TSPAN5: variants seen among roughly 807,000 people sequenced by gnomAD.
The protein encoded by TSPAN5 is tetraspanin 5, also known as tetraspanin-5.
In TSPAN5, 10 loss-of-function variants were observed where a neutral mutation model predicts 37.1. That is an observed-to-expected ratio of 0.27 (90% CI 0.17 to 0.46). The LOEUF is 0.46. Ranked by LOEUF, TSPAN5 falls within the 20% of genes least tolerant of loss-of-function variation. TSPAN5 has a pLI of 1.00. For synonymous variants in TSPAN5, 110 were observed against 118.9 expected (o/e 0.93, Z 0.48); for missense variants, 195 against 326.6 (o/e 0.60, Z 3.11).
chr4:98,633,331 C>T (rs1227353360), intron 1 of TSPAN5, among the ~76,000 whole-genome samples: 1 of 152,120 alleles, frequency 6.6e-6, no homozygotes, highest in Non-Finnish European at 1.5e-5. Context: ...ATCAATGAAC[C>T]TTTCAACAGT....
At chr4:98,479,845 C>T (rs951005779) in intron 4 of TSPAN5, among the ~76,000 whole-genome samples, 2 of 152,192 alleles carry the variant, frequency 1.3e-5, no homozygotes, top group Non-Finnish European at 2.9e-5. Flanking sequence ...GAAGCACACA[C>T]TATATTGTAA....
At chr4:98,615,695 C>G (rs893235997) in intron 1 of TSPAN5, among the ~76,000 whole-genome samples, 1 of 152,150 alleles carries the variant, frequency 6.6e-6, no homozygotes, top group African/African-American at 2.4e-5. Flanking sequence ...GTAATGTATG[C>G]CTGTAATCCC....
Position 98,475,265 on chromosome 4 carries a change from C to T in TSPAN5, c.741+924G>A, listed in dbSNP as rs181507426. Among the ~76,000 whole-genome samples, 142 of 152,260 alleles carry T rather than the reference C, an allele frequency of 9.3e-4. 1 individual carries two copies. Among genetic ancestry groups the T allele is most frequent in the Admixed American group, 1.0e-3 (16 of 15,296 alleles). ...TAGATCAACTTGATGAGTGTTGTTA[C>T]CTTAATAATATGAAGTTTTGCAATT... On this transcript the variant is annotated intron_variant, in intron 7 of 7. Coordinates refer to ENST00000305798, the MANE Select transcript of TSPAN5 (RefSeq NM_005723.4).
intron 1 of TSPAN5, among the ~76,000 whole-genome samples, chr4:98,583,312 G>A (rs1479151535): frequency 6.6e-6 from 1 of 152,004 alleles, no homozygotes; most frequent in Non-Finnish European, 1.5e-5. Context: ...TTGTTACACA[G>A]GTAAACTTGT....
intron 1 of TSPAN5, among the ~76,000 whole-genome samples, chr4:98,617,613 C>T (rs1756371581): frequency 6.6e-6 from 1 of 152,184 alleles, no homozygotes; most frequent in Non-Finnish European, 1.5e-5. Flanking sequence ...AAAGGTAGCA[C>T]ATGTCCTGCA....
At chr4:98,521,947 T>C (rs1753866571) in intron 1 of TSPAN5, among the ~76,000 whole-genome samples, 1 of 152,250 alleles carries the variant, frequency 6.6e-6, no homozygotes, top group African/African-American at 2.4e-5. Context: ...AACAGATGTC[T>C]GTGCTACAGT....
At chr4:98,604,581 G>C (rs1755962518) in intron 1 of TSPAN5, among the ~76,000 whole-genome samples, 1 of 152,106 alleles carries the variant, frequency 6.6e-6, no homozygotes, top group Non-Finnish European at 1.5e-5. Context: ...GGCAGTAGTG[G>C]GATTTATACT....
At chr4:98,616,838 G>C (rs1053526048) in intron 1 of TSPAN5, among the ~76,000 whole-genome samples, 12 of 150,796 alleles carry the variant, frequency 8.0e-5, no homozygotes, top group Admixed American at 7.9e-4. Flanking sequence ...CCAAATTCTT[G>C]AATACTAGAT....
chr4:98,649,533 A>G (rs1472160073), intron 1 of TSPAN5, among the ~76,000 whole-genome samples: 5 of 152,254 alleles, frequency 3.3e-5, no homozygotes, highest in South Asian at 4.1e-4. Context: ...TGCCAGGGAA[A>G]GCAAGTGCAG....
At chr4:98,567,703 A>G (rs1372699277) in intron 1 of TSPAN5, among the ~76,000 whole-genome samples, 1 of 152,166 alleles carries the variant, frequency 6.6e-6, no homozygotes, top group African/African-American at 2.4e-5. Context: ...ACACAAAAGG[A>G]GAGAGAGGAA....
At chr4:98,512,010 C>T (rs113451498) in intron 1 of TSPAN5, among the ~76,000 whole-genome samples, 2 of 152,054 alleles carry the variant, frequency 1.3e-5, no homozygotes, top group Non-Finnish European at 2.9e-5. Context: ...GTCAAGAGAT[C>T]GAGACCATCC....
intron 1 of TSPAN5, among the ~76,000 whole-genome samples, chr4:98,598,922 G>A (rs1014441972): frequency 1.3e-5 from 2 of 152,158 alleles, no homozygotes; most frequent in South Asian, 4.1e-4. Context: ...CTGTTCTGTT[G>A]TTATTTATAC....
chr4:98,548,646 C>A (rs1435337669), intron 1 of TSPAN5, among the ~76,000 whole-genome samples: 1 of 152,080 alleles, frequency 6.6e-6, no homozygotes, highest in Non-Finnish European at 1.5e-5. Flanking sequence ...TCTACCCAAT[C>A]ATAATTTTTC....
chr4:98,503,346 G>T (rs533676737), intron 2 of TSPAN5, among the ~76,000 whole-genome samples: 3 of 152,086 alleles, frequency 2.0e-5, no homozygotes, highest in South Asian at 4.2e-4. Context: ...ACACCAGAGC[G>T]GGGCCAGATG....
rs577186667 is a variant in TSPAN5 at position 98,516,411 on chromosome 4, G to A, written c.82-8683C>T. Among the ~76,000 whole-genome samples the A allele has an allele frequency of 2.6e-5, 4 of 152,346 alleles. No individual in the cohort carries two copies. The South Asian group carries it at 8.3e-4, about 32-fold the overall frequency. On this transcript the variant is annotated intron_variant, in intron 1 of 7. Transcript: ENST00000305798. The stretch of plus-strand genomic sequence containing the variant: ...ATATAGAAAGTAGAAAAGAGACCCA[G>A]AGTAGCTTATGTTCCTGACTGCTTC...
chr4:98,521,906 C>T (rs1174739656), intron 1 of TSPAN5, among the ~76,000 whole-genome samples: 2 of 152,044 alleles, frequency 1.3e-5, no homozygotes, highest in East Asian at 3.9e-4. Context: ...GACATTTATA[C>T]ATTTAAAGAG....
intron 1 of TSPAN5, among the ~76,000 whole-genome samples, chr4:98,523,250 G>A (rs1055090275): frequency 1.3e-5 from 2 of 152,180 alleles, no homozygotes; most frequent in Non-Finnish European, 2.9e-5. Flanking sequence ...ACAACAGCAT[G>A]AGGGATGTGA....
rs1753144336 is a variant in TSPAN5 at position 98,494,015 on chromosome 4, AT to A, written c.133-7132del. ...CATTATCCACTAGGTACCAGACAGC[AT>A]CTCTCATAACTTAGCAAAGAGACCA... On this transcript the variant is annotated intron_variant, in intron 2 of 7. Transcript: ENST00000305798. Among the ~76,000 whole-genome samples the A allele has an allele frequency of 2.4e-4, 36 of 152,242 alleles. 1 individual carries two copies. The highest frequency in any genetic ancestry group is 6.5e-5 in the Admixed American group (1 of 15,290).
chr4:98,573,870 G>A (rs370982982), intron 1 of TSPAN5, among the ~76,000 whole-genome samples: 1 of 152,184 alleles, frequency 6.6e-6, no homozygotes, highest in Non-Finnish European at 1.5e-5. Context: ...GGTAACTCAG[G>A]AATGTTAGAA....
Sources: allele counts gnomAD v4.1 joint callset (sites outside exome capture counted in the v4.1 genomes callset), GRCh38; gene constraint gnomAD v4.1.1; transcripts MANE v1.5; gene names NCBI Gene and HGNC (gene_info 2026-07-23, HGNC 2026-07-21).